Variants in APBA3 observed in about 807,000 individuals in gnomAD.
The protein encoded by APBA3 is amyloid beta precursor protein binding family A member 3.
In APBA3, 45 loss-of-function variants were observed where a neutral mutation model predicts 55.9. The ratio of observed to expected loss-of-function variants is 0.80; its 90% confidence interval spans 0.63 to 1.03. The LOEUF is 1.03. Ranked by LOEUF, APBA3 falls within the 50% of genes least tolerant of loss-of-function variation. The probability of loss-of-function intolerance (pLI) is 0.00; values close to 1 mark genes in which losing one functional copy is unlikely to be tolerated. For synonymous variants in APBA3, 370 were observed against 353.3 expected (o/e 1.05, Z -0.53); for missense variants, 865 against 820.3 (o/e 1.05, Z -0.67).
At position 3,752,973 on chromosome 19, in the gene APBA3, C is replaced by G; in HGVS notation, c.1029G>C (p.Gln343His). ...CGGCGGCGAAGGCCTGGCCAATGGC[C>G]TGGGCGATGAGCTGGGCCTGCGGGG... ...FYAEDAQLIAQAIGQAFAAAY... is the reference protein window; with the variant it reads ...FYAEDAQLIAHAIGQAFAAAY... Residue 343 changes from glutamine (Q) to histidine (H), a missense_variant, in exon 7 of 11, where the codon CAG (glutamine) becomes CAC (histidine). Gln to His is a conservative substitution (Grantham distance 24). Transcript: ENST00000316757. The G allele has an allele frequency of 6.2e-7, 1 of 1,612,418 alleles. No homozygotes were observed. The highest frequency in any genetic ancestry group is 8.5e-7 in the Non-Finnish European group (1 of 1,179,878).
intron 8 of APBA3, 110 bp from the exon 9 acceptor site, chr19:3,751,663 G>T: frequency 7.7e-7 from 1 of 1,291,740 alleles, no homozygotes; most frequent in Non-Finnish European, 1.0e-6. Context: ...TGGAGTCCAG[G>T]GGCTCAATTC....
At chr19:3,758,547 C>T (rs1430981614) in intron 3 of APBA3, among the ~76,000 whole-genome samples, 1 of 152,148 alleles carries the variant, frequency 6.6e-6, no homozygotes, top group East Asian at 1.9e-4. Context: ...GTGTGAGCCA[C>T]CATATCCAGC....
In APBA3 at chr19:3,752,739, G is replaced by A. The variant is rs115037263; in HGVS notation, c.1183-19C>T. 239 of 1,605,484 alleles carry A rather than the reference G, an allele frequency of 1.5e-4. 3 individuals carry two copies. In the East Asian group the frequency reaches 4.0e-3, roughly 27 times the overall value. On this transcript the variant is annotated intron_variant, in intron 7 of 10. Coordinates refer to ENST00000316757, the MANE Select transcript of APBA3 (RefSeq NM_004886.4). ...GGTGCACCTGGGACACACAGGGGGC[G>A]CGGAGGCTGCTCAGCAGGGCCCGGT...
intron 3 of APBA3, 28 bp from the exon 4 acceptor site, chr19:3,754,368 C>T (rs745828829): frequency 5.2e-6 from 8 of 1,540,008 alleles, no homozygotes; most frequent in Non-Finnish European, 6.1e-6. Flanking sequence ...GAGGGTCGGC[C>T]CCCAGGGGCC....
chr19:3,750,886 G>A lies in APBA3; in HGVS notation c.*140C>T, dbSNP rs1139844. 5 of 1,147,266 alleles carry A rather than the reference G, an allele frequency of 4.4e-6. No homozygotes were observed. The highest frequency in any genetic ancestry group is 1.5e-5 in the African/African-American group (1 of 64,802). The allele number at this position is 1,147,266 out of a possible 1,614,324, so 71.1% of individuals were successfully genotyped here. A position where few individuals can be genotyped will look rare whatever the true frequency, so the allele number is the denominator to read the frequency against. Reference sequence around the variant, plus strand: ...ACCCTGATCCGAGACTTTGCCAAATGCATAAGCTTTTACTGTTTTTATATT... The same window carrying A: ...ACCCTGATCCGAGACTTTGCCAAATACATAAGCTTTTACTGTTTTTATATT... On this transcript the variant is annotated 3_prime_UTR_variant, in exon 11 of 11. Transcript: ENST00000316757.
chr19:3,754,099 CGGGG>C lies in APBA3; in HGVS notation c.765_768del (p.Pro256MetfsTer7). The C allele has an allele frequency of 6.2e-7, 1 of 1,603,774 alleles. No individual in the cohort carries two copies. The highest frequency in any genetic ancestry group is 8.5e-7 in the Non-Finnish European group (1 of 1,175,482). ...TCCGTCATGGGCTGGGTCTCCCCAT[CGGGG>C]GCCTGTGGGTGGCGGCGTGGGAGGT... On this transcript the variant is annotated frameshift_variant and splice_region_variant, in exon 5 of 11. Transcript: ENST00000316757. LOFTEE classifies it high-confidence loss of function.
In APBA3 at chr19:3,752,557, C is replaced by A; in HGVS notation, c.1346G>T (p.Gly449Val). 1 of 1,589,404 alleles carries A rather than the reference C, an allele frequency of 6.3e-7. No homozygotes were observed. Among genetic ancestry groups the A allele is most frequent in the Non-Finnish European group, 8.5e-7 (1 of 1,172,786 alleles). Residue 449 changes from glycine to valine, a missense_variant, in exon 8 of 11, where the codon GGG (glycine) becomes GTG (valine). By Grantham distance (109) the Gly-to-Val change is moderately radical. Coordinates refer to ENST00000316757, the MANE Select transcript of APBA3 (RefSeq NM_004886.4). ...SIGDRLTAIN[G>V]TSLVGLPLAA... ...CAGGGGCAGCCCCACCAGGCTGGTC[C>A]CGTTGATGGCGGTCAGGCGGTCCCC...
intron 3 of APBA3, among the ~76,000 whole-genome samples, chr19:3,757,510 G>C (rs944752465): frequency 6.6e-6 from 1 of 152,144 alleles, no homozygotes; most frequent in Non-Finnish European, 1.5e-5. Context: ...GAGGCGGGTG[G>C]ATCACAAGGT....
intron 3 of APBA3, 137 bp from the exon 4 acceptor site, chr19:3,754,477 G>A: frequency 8.3e-7 from 1 of 1,206,800 alleles, no homozygotes; most frequent in Non-Finnish European, 1.1e-6. Flanking sequence ...AGGAAGCACA[G>A]CCCACTGTTC....
At chr19:3,760,666 C>T (rs976626511) in intron 1 of APBA3, among the ~76,000 whole-genome samples, 3 of 151,120 alleles carry the variant, frequency 2.0e-5, no homozygotes, top group Non-Finnish European at 2.9e-5. Context: ...GGAGAATCGC[C>T]TGAACCCGGG....
At chr19:3,755,024 C>T (rs934026593) in intron 3 of APBA3, 1 of 152,328 alleles carries the variant, frequency 6.6e-6, no homozygotes, top group Non-Finnish European at 1.5e-5. Context: ...ACCCCTGCTT[C>T]TTGGTTCTGG....
In APBA3 at chr19:3,759,595, G is replaced by A. The variant is rs569731830; in HGVS notation, c.582C>T (p.Pro194=). Residue 194 remains proline (P), a synonymous_variant, in exon 3 of 11, where the codon CCC becomes CCT. Coordinates refer to ENST00000316757, the MANE Select transcript of APBA3 (RefSeq NM_004886.4). ...PEEPPAGAQS[P]ETLASYPAPQ... is the part of the protein sequence containing the mutation. ...GGGCAGGGTAGGAAGCCAGGGTCTC[G>A]GGGCTCTGGAAGAAGATAGAGGAGG... is the stretch of plus-strand genomic sequence containing the variant. The A allele has an allele frequency of 1.1e-5, 18 of 1,600,176 alleles. No homozygotes were observed. Among genetic ancestry groups the A allele is most frequent in the Admixed American group, 8.9e-5 (5 of 56,132 alleles).
At position 3,756,046 on chromosome 19, in the gene APBA3, T is replaced by C. The variant is rs999468675; in HGVS notation, c.617-1706A>G. 2.0e-5 allele frequency: 3 copies of C among 152,134 alleles called. No homozygotes were observed. The South Asian group carries it at 6.2e-4, about 31-fold the overall frequency. 9.4% of individuals were successfully genotyped at this position (152,134 alleles called of 1,614,324 possible). A position where few individuals can be genotyped will look rare whatever the true frequency, so the allele number is the denominator to read the frequency against. On this transcript the variant is annotated intron_variant, in intron 3 of 10. Coordinates refer to ENST00000316757, the MANE Select transcript of APBA3 (RefSeq NM_004886.4). ...AAGCATTCTGGAACAAGAGCTCCACTCTGGGGTTCTAGAGAGATACGTCAT... is the reference window on the plus strand; with the variant it reads ...AAGCATTCTGGAACAAGAGCTCCACCCTGGGGTTCTAGAGAGATACGTCAT...
In APBA3 at chr19:3,760,206, C is replaced by A; in HGVS notation, c.59G>T (p.Gly20Val). ...CGAAGGCACAAGAATGTCCCTGGGC[C>A]CCTCCAAGTCCATGGCTGGAGGCCC... is the stretch of plus-strand genomic sequence containing the variant. ...PSGPPAMDLE[G>V]PRDILVPSED... is the part of the protein sequence containing the mutation. The change falls in exon 2 of 11, where the codon GGG becomes GTG. Residue 20 changes from glycine (G) to valine (V), a missense_variant. Transcript: ENST00000316757. The A allele has an allele frequency of 6.2e-7, 1 of 1,612,018 alleles. No individual in the cohort carries two copies. The highest frequency in any genetic ancestry group is 8.5e-7 in the Non-Finnish European group (1 of 1,179,904).
rs1568391950 is a variant in APBA3 at position 3,752,376 on chromosome 19, G to A, written c.1395+132C>T. ...CCTCAGTTTCCCCAAGGGCACACCA[G>A]TGGGCAGGACTTAAAAGTTCGACTT... On this transcript the variant is annotated intron_variant, in intron 8 of 10. Transcript: ENST00000316757. 2.9e-5 allele frequency: 24 copies of A among 820,896 alleles called. No homozygotes were observed. The South Asian group carries it at 3.7e-4, about 13-fold the overall frequency. 50.9% of individuals were successfully genotyped at this position (820,896 alleles called of 1,614,324 possible). A position where few individuals can be genotyped will look rare whatever the true frequency, so the allele number is the denominator to read the frequency against.
At chr19:3,755,215 G>C (rs1802539411) in intron 3 of APBA3, 1 of 152,184 alleles carries the variant, frequency 6.6e-6, no homozygotes, top group Non-Finnish European at 1.5e-5. Context: ...TCTGACCCTT[G>C]ATTCCAGAAC....
At chr19:3,751,607 G>A in intron 8 of APBA3, 54 bp from the exon 9 acceptor site, 1 of 1,533,428 alleles carries the variant, frequency 6.5e-7, no homozygotes, top group Admixed American at 2.2e-5. Flanking sequence ...CTGGCAGGTT[G>A]TAGCCCCCTC....
rs566221017 is a variant in APBA3, at chr19:3,754,376, G to T, written c.617-36C>A. 3 of 1,534,458 alleles carry T rather than the reference G, an allele frequency of 2.0e-6. No individual in the cohort carries two copies. The African/African-American group carries it at 4.2e-5, about 21-fold the overall frequency. On this transcript the variant is annotated intron_variant, in intron 3 of 10. Transcript: ENST00000316757. The stretch of plus-strand genomic sequence containing the variant: ...CAGCGAAGAGGGTCGGCCCCCAGGG[G>T]CCCACTCCCACAGGCTCTGCCCCAG...
chr19:3,760,048 C>T lies in APBA3; in HGVS notation c.217G>A (p.Gly73Ser), dbSNP rs749711998. ...QFEALPGDLVGPSPGGAPCPL... is the reference protein window; with the variant it reads ...QFEALPGDLVSPSPGGAPCPL... ...CAGGGGGCTCCACCTGGGGATGGGC[C>T]CACCAGATCGCCTGGCAGAGCTTCA... is the stretch of plus-strand genomic sequence containing the variant. The change falls in exon 2 of 11, where the codon GGC (glycine) becomes AGC (serine). Residue 73 changes from glycine to serine, a missense_variant. Physicochemically the swap from Gly to Ser is moderately conservative, Grantham distance 56. Coordinates refer to ENST00000316757, the MANE Select transcript of APBA3 (RefSeq NM_004886.4). 1.2e-6 allele frequency: 2 copies of T among 1,613,264 alleles called. No individual in the cohort carries two copies. The highest frequency in any genetic ancestry group is 1.7e-6 in the Non-Finnish European group (2 of 1,180,012).
Sources: allele counts gnomAD v4.1 joint callset (sites outside exome capture counted in the v4.1 genomes callset), GRCh38; gene constraint gnomAD v4.1.1; transcripts MANE v1.5; gene names NCBI Gene and HGNC (gene_info 2026-07-23, HGNC 2026-07-21).